ASIC2: variants seen among roughly 807,000 people sequenced by gnomAD.
The protein encoded by ASIC2 is acid sensing ion channel subunit 2.
A neutral mutation model predicts 57.3 loss-of-function variants in ASIC2; 25 were observed. The ratio of observed to expected loss-of-function variants is 0.44; its 90% CI spans 0.32 to 0.61. ASIC2 has a LOEUF of 0.61. ASIC2 is among the 20% of genes least tolerant of loss of function. ASIC2 has a pLI of 0.06. For missense variants in ASIC2, 641 were observed against 738.1 expected, an observed-to-expected ratio of 0.87 and a Z score of 1.52; for synonymous variants, 319 against 307.5, an observed-to-expected ratio of 1.04 and a Z score of -0.39.
At chr17:33,973,475 C>T (rs1421069680) in intron 1 of ASIC2, among the ~76,000 whole-genome samples, 1 of 152,224 alleles carries the variant, frequency 6.6e-6, no homozygotes, top group African/African-American at 2.4e-5. Context: ...CAGACTTGGG[C>T]AATTGAGTGC....
chr17:33,358,807 G>GTTAGGGACC (rs1178864903), intron 1 of ASIC2, among the ~76,000 whole-genome samples: 1 of 152,180 alleles, frequency 6.6e-6, no homozygotes, highest in Non-Finnish European at 1.5e-5. Flanking sequence ...ATTGCAGAGA[G>GTTAGGGACC]TTAGGGACCT....
At chr17:33,887,608 C>T (rs1161337930) in intron 1 of ASIC2, among the ~76,000 whole-genome samples, 2 of 151,992 alleles carry the variant, frequency 1.3e-5, no homozygotes, top group Non-Finnish European at 2.9e-5. Context: ...AGAGGTGAGA[C>T]CTTTTGTGGT....
At chr17:33,293,820 GTA>G (rs1905609609), upstream of ASIC2, among the ~76,000 whole-genome samples, 1 of 152,156 alleles carries the variant, frequency 6.6e-6, no homozygotes, top group Non-Finnish European at 1.5e-5. Context: ...TTCCGTGTGT[GTA>G]TGTGTGCACT....
intron 1 of ASIC2, among the ~76,000 whole-genome samples, chr17:33,357,247 T>C (rs1473962228): frequency 6.6e-6 from 1 of 152,104 alleles, no homozygotes. Flanking sequence ...TGTTCACATA[T>C]GCACAGGGGG....
chr17:33,713,720 G>A (rs1332779142), intron 1 of ASIC2, among the ~76,000 whole-genome samples: 1 of 152,238 alleles, frequency 6.6e-6, no homozygotes, highest in Admixed American at 6.5e-5. Context: ...GCAGACTGGT[G>A]CCCCTTGGCA....
intron 1 of ASIC2, among the ~76,000 whole-genome samples, chr17:33,202,344 G>A (rs1043135123): frequency 1.3e-5 from 2 of 152,226 alleles, no homozygotes; most frequent in African/African-American, 4.8e-5. Context: ...GCTGTTTGGA[G>A]TCACTGGGCT....
intron 1 of ASIC2, among the ~76,000 whole-genome samples, chr17:33,285,422 G>A (rs1905109916): frequency 1.3e-5 from 2 of 152,192 alleles, no homozygotes; most frequent in Non-Finnish European, 2.9e-5. Context: ...GCTCTGCAAA[G>A]AAAAGAAATG....
chr17:33,299,867 A>G (rs1023630574), intron 1 of ASIC2, among the ~76,000 whole-genome samples: 1 of 152,154 alleles, frequency 6.6e-6, no homozygotes, highest in East Asian at 1.9e-4. Context: ...AGCTGGGTAT[A>G]AAATATAATT....
intron 1 of ASIC2, among the ~76,000 whole-genome samples, chr17:33,189,593 A>G (rs60103906): frequency 0.024 from 3,683 of 152,276 alleles, 146 homozygotes; most frequent in African/African-American, 0.084. Context: ...AAAGATAAAG[A>G]TAAAAGTGAA....
intron 1 of ASIC2, among the ~76,000 whole-genome samples, chr17:33,246,856 C>T (rs1169819508): frequency 6.6e-6 from 1 of 152,046 alleles, no homozygotes; most frequent in Admixed American, 6.5e-5. Context: ...TGGTTGCCCC[C>T]AGCCTTTCTG....
At chr17:33,957,506 A>G (rs1904773782) in intron 1 of ASIC2, among the ~76,000 whole-genome samples, 2 of 152,190 alleles carry the variant, frequency 1.3e-5, no homozygotes, top group South Asian at 4.1e-4. Context: ...CAAAGGAGTA[A>G]CAAAGGCATA....
intron 3 of ASIC2, among the ~76,000 whole-genome samples, chr17:33,036,893 T>C (rs1199139738): frequency 6.6e-6 from 1 of 152,088 alleles, no homozygotes; most frequent in Non-Finnish European, 1.5e-5. Context: ...TAAGAAGGAA[T>C]TGGGGGCTAG....
chr17:34,042,337 T>C (rs939199460), intron 1 of ASIC2, among the ~76,000 whole-genome samples: 1 of 152,056 alleles, frequency 6.6e-6, no homozygotes, highest in African/African-American at 2.4e-5. Flanking sequence ...TCCATCAACA[T>C]GTGAATGATA....
intron 1 of ASIC2, among the ~76,000 whole-genome samples, chr17:34,129,437 G>A (rs1911887675): frequency 6.6e-6 from 1 of 152,170 alleles, no homozygotes; most frequent in African/African-American, 2.4e-5. Context: ...GGGAATCCTG[G>A]TAGGACATGA....
intron 1 of ASIC2, among the ~76,000 whole-genome samples, chr17:33,668,965 C>A (rs1452795215): frequency 2.0e-5 from 3 of 152,212 alleles, no homozygotes; most frequent in African/African-American, 7.2e-5. Context: ...GCTCACTAGG[C>A]AGCCTTCTGA....
At position 33,650,478 on chromosome 17, in the gene ASIC2, A is replaced by T. The variant is rs1200309981; in HGVS notation, c.555+505500T>A. 4.6e-5 allele frequency among the ~76,000 whole-genome samples: 7 copies of T among 152,212 alleles called. No individual in the cohort carries two copies. In the East Asian group the frequency reaches 7.7e-4, roughly 17 times the overall value. The stretch of plus-strand genomic sequence containing the variant: ...TGACCCAGCAATTGCACCTCTGGGC[A>T]TTTATCCCAGAGAAATGAAGACTTA... On this transcript the variant is annotated intron_variant, in intron 1 of 9. Transcript: ENST00000359872.
intron 3 of ASIC2, among the ~76,000 whole-genome samples, chr17:33,031,604 A>G (rs1056482040): frequency 6.6e-6 from 1 of 152,204 alleles, no homozygotes; most frequent in African/African-American, 2.4e-5. Flanking sequence ...TACAAAAGGC[A>G]ATTAGGTTTA....
intron 1 of ASIC2, among the ~76,000 whole-genome samples, chr17:33,454,418 GGCTGACATTTGAGAT>G (rs1251877791): frequency 1.3e-5 from 2 of 152,220 alleles, no homozygotes; most frequent in Non-Finnish European, 2.9e-5. Context: ...TGTGGAGGCA[GGCTGACATTTGAGAT>G]GCACATAAAA....
In ASIC2 at chr17:33,662,486, T is replaced by TGG. The variant is rs35180488; in HGVS notation, c.555+493490_555+493491dup. Reference sequence around the variant, plus strand: ...AAATACAAAAATTAGCCAGGTGTGGTGGGGGGGGCACCTGTAATCCCAGCT... The same window carrying TGG: ...AAATACAAAAATTAGCCAGGTGTGGTGGGGGGGGGGCACCTGTAATCCCAGCT... On this transcript the variant is annotated intron_variant, in intron 1 of 9. Coordinates refer to the ASIC2 transcript ENST00000359872. Among the ~76,000 whole-genome samples, 377 of 150,264 alleles carry TGG rather than the reference T, an allele frequency of 2.5e-3. 2 individuals are homozygous for TGG. Among genetic ancestry groups the TGG allele is most frequent in the African/African-American group, 5.5e-3 (223 of 40,822 alleles).
Sources: allele counts gnomAD v4.1 joint callset (sites outside exome capture counted in the v4.1 genomes callset), GRCh38; gene constraint gnomAD v4.1.1; transcripts MANE v1.5; gene names NCBI Gene and HGNC (gene_info 2026-07-23, HGNC 2026-07-21).